XKR9: variants seen among roughly 807,000 people sequenced by gnomAD.
XKR9 encodes XK related 9, also known as XK-related protein 9.
Under a neutral mutation model 32.0 loss-of-function variants are expected in XKR9, and 32 were observed. That is an observed-to-expected ratio of 1.00 (90% CI 0.76 to 1.34). The LOEUF (loss-of-function observed/expected upper bound fraction) is 1.34, where lower values mean the gene tolerates loss of function less well. Ranked by LOEUF, XKR9 falls within the 40% of genes most tolerant of loss-of-function variation. The probability of loss-of-function intolerance (pLI) is 0.00; values close to 1 mark genes in which losing one functional copy is unlikely to be tolerated. For synonymous variants in XKR9, 168 were observed against 143.4 expected (o/e 1.17, Z -1.22); for missense variants, 546 against 429.7 (o/e 1.27, Z -2.39).
intron 2 of XKR9, among the ~76,000 whole-genome samples, chr8:70,746,147 A>T (rs1586880347): frequency 6.6e-6 from 1 of 151,424 alleles, no homozygotes; most frequent in East Asian, 1.9e-4. Context: ...AATGTTAAAC[A>T]GCATATAATA....
the XKR9 span, among the ~76,000 whole-genome samples, chr8:70,856,895 G>A: frequency 6.6e-6 from 1 of 152,148 alleles, no homozygotes; most frequent in South Asian, 2.1e-4. Flanking sequence ...ACAAAATGAA[G>A]GCAGAAATAA....
chr8:70,803,136 GT>G, the XKR9 span, among the ~76,000 whole-genome samples: 1 of 152,048 alleles, frequency 6.6e-6, no homozygotes, highest in East Asian at 1.9e-4. Context: ...TTTCTCAGAG[GT>G]TTTTTCATTT....
intron 3 of XKR9, among the ~76,000 whole-genome samples, chr8:70,694,835 A>G (rs781489507): frequency 1.3e-5 from 2 of 152,140 alleles, no homozygotes; most frequent in Non-Finnish European, 2.9e-5. Context: ...CTAACATCCT[A>G]CTTTGCCATA....
the XKR9 span, among the ~76,000 whole-genome samples, chr8:70,821,212 C>A: frequency 6.6e-6 from 1 of 152,206 alleles, no homozygotes. Flanking sequence ...ATAGGGCAGT[C>A]CAATCTTAAA....
At chr8:70,962,075 T>A in the XKR9 span, among the ~76,000 whole-genome samples, 1 of 152,178 alleles carries the variant, frequency 6.6e-6, no homozygotes, top group Non-Finnish European at 1.5e-5. Context: ...TAGACAATGG[T>A]ATCTAGAGTG....
the XKR9 span, among the ~76,000 whole-genome samples, chr8:70,953,737 C>T: frequency 2.0e-5 from 3 of 152,134 alleles, no homozygotes; most frequent in Admixed American, 6.5e-5. Flanking sequence ...TCAACTCTTC[C>T]AGTTCATGGG....
chr8:71,013,658 T>C, the XKR9 span, among the ~76,000 whole-genome samples: 1 of 152,296 alleles, frequency 6.6e-6, no homozygotes, highest in East Asian at 1.9e-4. Context: ...TTGCAGAATG[T>C]CAGCTACTTT....
chr8:70,999,376 C>G, the XKR9 span, among the ~76,000 whole-genome samples: 8 of 152,096 alleles, frequency 5.3e-5, no homozygotes, highest in Admixed American at 5.2e-4. Flanking sequence ...GAATGTCACT[C>G]TTAATTTTAA....
intron 2 of XKR9, among the ~76,000 whole-genome samples, chr8:70,774,374 A>G (rs1476489967): frequency 6.6e-6 from 1 of 151,988 alleles, no homozygotes; most frequent in Non-Finnish European, 1.5e-5. Flanking sequence ...GGTTCAAGCA[A>G]TCCTCCCATC....
chr8:70,972,533 G>A, the XKR9 span, among the ~76,000 whole-genome samples: 19 of 152,060 alleles, frequency 1.2e-4, no homozygotes, highest in South Asian at 2.1e-4. Flanking sequence ...GGGCATGCTC[G>A]TTTTGTTCCA....
At chr8:71,056,389 T>C in the XKR9 span, among the ~76,000 whole-genome samples, 1 of 152,184 alleles carries the variant, frequency 6.6e-6, no homozygotes, top group Non-Finnish European at 1.5e-5. Flanking sequence ...AACTTCAGCA[T>C]GGTAATCAAG....
chr8:70,985,281 TTAATTTGCTGAGGA>T, the XKR9 span, among the ~76,000 whole-genome samples: 1 of 152,218 alleles, frequency 6.6e-6, no homozygotes, highest in African/African-American at 2.4e-5. Flanking sequence ...TGTTCCTGTG[TTAATTTGCTGAGGA>T]TAATGGTTTC....
At chr8:70,848,764 C>CA in the XKR9 span, among the ~76,000 whole-genome samples, 17,872 of 116,422 alleles carry the variant, frequency 0.15, 1,584 homozygotes, top group East Asian at 0.33. Context: ...AATGGAATGC[C>CA]AAAAAAAAAA....
downstream of XKR9, among the ~76,000 whole-genome samples, chr8:70,794,118 A>G (rs766773783): frequency 3.3e-5 from 5 of 152,094 alleles, no homozygotes; most frequent in Non-Finnish European, 7.4e-5. Flanking sequence ...TGATGCCTTT[A>G]TAAATGAATT....
At chr8:70,762,896 G>A (rs1807326581) in intron 2 of XKR9, among the ~76,000 whole-genome samples, 1 of 152,038 alleles carries the variant, frequency 6.6e-6, no homozygotes, top group South Asian at 2.1e-4. Context: ...AGCAGAAATA[G>A]GTTTTTCATC....
the XKR9 span, among the ~76,000 whole-genome samples, chr8:70,876,347 G>A: frequency 6.6e-6 from 1 of 151,310 alleles, no homozygotes; most frequent in Non-Finnish European, 1.5e-5. Context: ...GAGTAGCTAG[G>A]ATTACAGGTG....
chr8:70,760,469 T>C (rs1038183589), intron 2 of XKR9, among the ~76,000 whole-genome samples: 2 of 152,214 alleles, frequency 1.3e-5, no homozygotes, highest in African/African-American at 2.4e-5. Flanking sequence ...GTAGTCACTA[T>C]GCCTTTTTTA....
chr8:70,978,331 G>A, the XKR9 span, among the ~76,000 whole-genome samples: 3 of 152,104 alleles, frequency 2.0e-5, no homozygotes, highest in African/African-American at 7.2e-5. Context: ...CTCTAGCATC[G>A]ATGGTCTTTA....
At chr8:70,716,233 C>G (rs1806083997) in intron 4 of XKR9, among the ~76,000 whole-genome samples, 2 of 152,018 alleles carry the variant, frequency 1.3e-5, no homozygotes, top group Non-Finnish European at 2.9e-5. Context: ...AGGCAGTTGT[C>G]AACTCCAGGA....
Sources: gnomAD v4.1 joint callset for allele counts (sites outside exome capture counted in the v4.1 genomes callset) on GRCh38, gnomAD v4.1.1 for gene constraint, MANE v1.5 for transcripts, NCBI Gene and HGNC (gene_info 2026-07-23, HGNC 2026-07-21) for gene names.